Variants in EDNRA observed in about 807,000 individuals in gnomAD.
The protein encoded by EDNRA is endothelin-1 receptor.
In EDNRA, 11 loss-of-function variants were observed where a neutral mutation model predicts 41.4. The ratio of observed to expected loss-of-function variants is 0.27; its 90% CI spans 0.17 to 0.44. The LOEUF is 0.44. Among genes scored for constraint, EDNRA ranks in the 20% least tolerant of loss-of-function variants. The pLI is 1.00. For synonymous variants in EDNRA, 172 were observed against 183.0 expected, an observed-to-expected ratio of 0.94 and a Z score of 0.49; for missense variants, 294 against 531.0, an observed-to-expected ratio of 0.55 and a Z score of 4.39.
chr4:147,506,649 T>A (rs867514197), intron 2 of EDNRA: 4 of 319,086 alleles, frequency 1.3e-5, no homozygotes, highest in Middle Eastern at 9.0e-4. Flanking sequence ...AAACAACCTG[T>A]GGTATACCTG....
chr4:147,510,526 A>T (rs904063506), intron 2 of EDNRA, among the ~76,000 whole-genome samples: 3 of 152,198 alleles, frequency 2.0e-5, no homozygotes, highest in African/African-American at 7.2e-5. Context: ...ATTTTACATT[A>T]TTGTTTATAA....
intron 2 of EDNRA, among the ~76,000 whole-genome samples, chr4:147,504,957 C>CAAAAAAAAAAAAA (rs57911108): frequency 0.014 from 542 of 38,952 alleles, 36 homozygotes; most frequent in Middle Eastern, 0.021. Context: ...GACCCTGTCT[C>CAAAAAAAAAAAAA]AAAAAAAAAA....
Position 147,519,814 on chromosome 4 carries a change from C to T in EDNRA, c.421-37C>T. 2.5e-6 allele frequency: 4 copies of T among 1,608,094 alleles called. No individual in the cohort carries two copies. Among genetic ancestry groups the T allele is most frequent in the Non-Finnish European group, 3.4e-6 (4 of 1,176,820 alleles). On this transcript the variant is annotated intron_variant, in intron 2 of 7. Coordinates refer to ENST00000651419, the MANE Select transcript of EDNRA (RefSeq NM_001957.4). The surrounding 1 kb of genome is among the most constrained non-coding windows in gnomAD (Gnocchi z 4.1). ...TAAGTGCCCACATGCTCCGTGCCAGCTCTACCATTTCTTACCACTGTGTCT... is the reference window on the plus strand; with the variant it reads ...TAAGTGCCCACATGCTCCGTGCCAGTTCTACCATTTCTTACCACTGTGTCT...
At chr4:147,531,486 G>A (rs901201403) in intron 3 of EDNRA, among the ~76,000 whole-genome samples, 1 of 152,144 alleles carries the variant, frequency 6.6e-6, no homozygotes, top group Non-Finnish European at 1.5e-5. Context: ...ATGCTTTAAG[G>A]TTTCTTTTTT....
At position 147,519,934 on chromosome 4, in the gene EDNRA, G is replaced by T. The variant is rs777761094; in HGVS notation, c.504G>T (p.Ser168=). The T allele has an allele frequency of 6.2e-7, 1 of 1,613,362 alleles. No individual in the cohort carries two copies. The highest frequency in any genetic ancestry group is 1.1e-5 in the South Asian group (1 of 90,988). Residue 168 remains serine (S), a synonymous_variant, in exon 3 of 8, where the codon TCG becomes TCT. Coordinates refer to ENST00000651419, the MANE Select transcript of EDNRA (RefSeq NM_001957.4). This position sits in a 1 kb window ranked among gnomAD's most constrained non-coding sequence, Gnocchi z 4.1. ...CKLFPFLQKS[S]VGITVLNLCA... is the part of the protein sequence containing the mutation. ...TGTTCCCCTTTTTGCAGAAGTCCTCGGTGGGGATCACCGTCCTCAACCTCT... is the reference window on the plus strand; with the variant it reads ...TGTTCCCCTTTTTGCAGAAGTCCTCTGTGGGGATCACCGTCCTCAACCTCT...
chr4:147,509,225 C>A (rs1215535135), intron 2 of EDNRA, among the ~76,000 whole-genome samples: 1 of 152,174 alleles, frequency 6.6e-6, no homozygotes, highest in Non-Finnish European at 1.5e-5. Flanking sequence ...CCTTTTGCAG[C>A]ATCAGCTTTC....
rs901437968 is a variant in EDNRA at position 147,544,218 on chromosome 4, C to T, written c.*1600C>T. On this transcript the variant is annotated 3_prime_UTR_variant, in exon 8 of 8. Coordinates refer to ENST00000651419, the MANE Select transcript of EDNRA (RefSeq NM_001957.4). ...TCAGTCCATTTTAACCTGTAGCAACCTTCTGCATTCATAAATCTTGTAATC... is the reference window on the plus strand; with the variant it reads ...TCAGTCCATTTTAACCTGTAGCAACTTTCTGCATTCATAAATCTTGTAATC... 1 of 152,906 alleles carries T rather than the reference C, an allele frequency of 6.5e-6. No homozygotes were observed. Among genetic ancestry groups the T allele is most frequent in the African/African-American group, 2.4e-5 (1 of 41,434 alleles). The allele number at this position is 152,906 out of a possible 1,614,324, so 9.5% of individuals were successfully genotyped here.
chr4:147,513,561 G>A (rs1729996586), intron 2 of EDNRA, among the ~76,000 whole-genome samples: 1 of 152,176 alleles, frequency 6.6e-6, no homozygotes, highest in African/African-American at 2.4e-5. Flanking sequence ...GTTGGAAGAT[G>A]TTTTTGTTTG....
Position 147,532,538 on chromosome 4 carries a change from A to G in EDNRA, c.581A>G (p.Gln194Arg). 1 of 1,614,036 alleles carries G rather than the reference A, an allele frequency of 6.2e-7. No homozygotes were observed. Among genetic ancestry groups the G allele is most frequent in the Non-Finnish European group, 8.5e-7 (1 of 1,180,004 alleles). ...GCAGTTGCCTCCTGGAGTCGTGTTC[A>G]GGGAATTGGGATTCCTTTGGTAACT... ...YRAVASWSRV[Q>R]GIGIPLVTAI... The change falls in exon 4 of 8, where the codon CAG (glutamine) becomes CGG (arginine). Residue 194 changes from glutamine to arginine, a missense_variant. Transcript: ENST00000651419.
rs199534687 is a variant in EDNRA at position 147,504,440 on chromosome 4, C to CA, written c.421-15405dup. Among the ~76,000 whole-genome samples the CA allele has an allele frequency of 9.4e-3, 1,423 of 152,180 alleles. 18 individuals are homozygous for CA. Among genetic ancestry groups the CA allele is most frequent in the African/African-American group, 0.032 (1,345 of 41,508 alleles). Reference sequence around the variant, plus strand: ...GTTGCCTTATTTAATTACATAATATCAAAAAACTACATTCGTTAATATCAC... The same window carrying CA: ...GTTGCCTTATTTAATTACATAATATCAAAAAAACTACATTCGTTAATATCAC... On this transcript the variant is annotated intron_variant, in intron 2 of 7. Coordinates refer to ENST00000651419, the MANE Select transcript of EDNRA (RefSeq NM_001957.4).
chr4:147,514,306 G>A (rs1186999909), intron 2 of EDNRA, among the ~76,000 whole-genome samples: 2 of 152,060 alleles, frequency 1.3e-5, no homozygotes, highest in African/African-American at 4.8e-5. Context: ...GAATATAGGG[G>A]AGAACAGCCT....
intron 4 of EDNRA, among the ~76,000 whole-genome samples, chr4:147,534,201 G>C (rs1157028151): frequency 6.6e-6 from 1 of 152,102 alleles, no homozygotes; most frequent in Non-Finnish European, 1.5e-5. Context: ...TTTATACCCA[G>C]CCAGCAAATG....
chr4:147,527,820 G>A (rs952682555), intron 3 of EDNRA, among the ~76,000 whole-genome samples: 6 of 152,052 alleles, frequency 3.9e-5, no homozygotes, highest in Non-Finnish European at 8.8e-5. Context: ...AGGCTCTACC[G>A]GGAGTTGGCA....
intron 5 of EDNRA, among the ~76,000 whole-genome samples, chr4:147,538,430 A>C (rs541513465): frequency 6.6e-5 from 10 of 152,328 alleles, no homozygotes; most frequent in African/African-American, 2.4e-4. Flanking sequence ...TCAAGACCAG[A>C]GTGATGGTAA....
intron 2 of EDNRA, chr4:147,506,613 A>T (rs1332643804): frequency 6.6e-6 from 2 of 302,114 alleles, no homozygotes; most frequent in Non-Finnish European, 1.3e-5. Flanking sequence ...CAATATTATC[A>T]TCTTAAGGAC....
chr4:147,487,097 C>G (rs896741267), intron 2 of EDNRA, among the ~76,000 whole-genome samples: 46 of 152,044 alleles, frequency 3.0e-4, no homozygotes, highest in African/African-American at 1.1e-3. Context: ...GGGGGCAAGG[C>G]ACCACACTTG....
At chr4:147,509,988 CA>C (rs1729864443) in intron 2 of EDNRA, among the ~76,000 whole-genome samples, 1 of 152,088 alleles carries the variant, frequency 6.6e-6, no homozygotes, top group Admixed American at 6.6e-5. Flanking sequence ...TCCCTGGTAC[CA>C]AAAAGGTTGG....
In EDNRA at chr4:147,532,544, T is replaced by C. The variant is rs140200727; in HGVS notation, c.587T>C (p.Ile196Thr). The C allele has an allele frequency of 2.5e-6, 4 of 1,613,914 alleles. No individual in the cohort carries two copies. Among genetic ancestry groups the C allele is most frequent in the African/African-American group, 1.3e-5 (1 of 74,888 alleles). Residue 196 changes from isoleucine to threonine, a missense_variant, in exon 4 of 8, where the codon ATT becomes ACT. Coordinates refer to ENST00000651419, the MANE Select transcript of EDNRA (RefSeq NM_001957.4). ...GCCTCCTGGAGTCGTGTTCAGGGAA[T>C]TGGGATTCCTTTGGTAACTGCCATT... is the stretch of plus-strand genomic sequence containing the variant. ...AVASWSRVQG[I>T]GIPLVTAIEI...
rs796535812 is a variant in EDNRA, at chr4:147,483,864, C to G, written c.-70-1748C>G. Among the ~76,000 whole-genome samples the G allele has an allele frequency of 7.2e-5, 11 of 151,888 alleles. No homozygotes were observed. In the South Asian group the frequency reaches 2.3e-3, roughly 32 times the overall value. ...CCTCCCAAGTAGCTGAGACTACAGG[C>G]ACACGCCACCATGCCTGTCTAATCT... On this transcript the variant is annotated intron_variant, in intron 1 of 7. Transcript: ENST00000651419.
Sources: gnomAD v4.1 joint callset for allele counts (sites outside exome capture counted in the v4.1 genomes callset) on GRCh38, gnomAD v4.1.1 for gene constraint, Gnocchi (gnomAD v3.1) non-coding constraint, MANE v1.5 for transcripts, NCBI Gene and HGNC (gene_info 2026-07-23, HGNC 2026-07-21) for gene names.